Variants in WWC2 observed in about 807,000 individuals in gnomAD.
WWC2 encodes WW and C2 domain containing 2, also known as protein WWC2.
A neutral mutation model predicts 138.5 loss-of-function variants in WWC2; 101 were observed. That is an observed-to-expected ratio of 0.73 (90% CI 0.62 to 0.86). The LOEUF (loss-of-function observed/expected upper bound fraction) is 0.86. Ranked by LOEUF, WWC2 falls within the 40% of genes least tolerant of loss-of-function variation. WWC2 has a pLI of 0.00. For synonymous variants in WWC2, 558 were observed against 538.4 expected (o/e 1.04, Z -0.50); for missense variants, 1,420 against 1,419.4 (o/e 1.00, Z -0.01).
chr4:183,194,627 A>G (rs1446630318), intron 2 of WWC2, among the ~76,000 whole-genome samples: 1 of 152,078 alleles, frequency 6.6e-6, no homozygotes, highest in Non-Finnish European at 1.5e-5. Context: ...TTTGATACTC[A>G]CTCATTAGTG....
At chr4:183,146,282 C>T (rs1169646286) in intron 1 of WWC2, among the ~76,000 whole-genome samples, 9 of 152,118 alleles carry the variant, frequency 5.9e-5, no homozygotes, top group East Asian at 3.9e-4. Context: ...TTTTCATCGT[C>T]GGCTTTAGGT....
At chr4:183,231,028 A>C (rs899756516) in intron 4 of WWC2, among the ~76,000 whole-genome samples, 1 of 152,172 alleles carries the variant, frequency 6.6e-6, no homozygotes, top group Non-Finnish European at 1.5e-5. Flanking sequence ...CACAACTTTG[A>C]CATCAAATTG....
chr4:183,234,967 G>A (rs1736370358), intron 4 of WWC2, among the ~76,000 whole-genome samples: 1 of 152,180 alleles, frequency 6.6e-6, no homozygotes, highest in Non-Finnish European at 1.5e-5. Flanking sequence ...CTAGAATGAT[G>A]CCAAGTGGTT....
At position 183,154,239 on chromosome 4, in the gene WWC2, G is replaced by A. The variant is rs140864559; in HGVS notation, c.132-39360G>A. Reference sequence around the variant, plus strand: ...TTGAATCCTGGCTCTGCCTTTCACTGGCTGTGTGATTTCAGGCAAGTTACT... The same window carrying A: ...TTGAATCCTGGCTCTGCCTTTCACTAGCTGTGTGATTTCAGGCAAGTTACT... On this transcript the variant is annotated intron_variant, in intron 1 of 22. Coordinates refer to ENST00000403733, the MANE Select transcript of WWC2 (RefSeq NM_024949.6). Among the ~76,000 whole-genome samples, 209 of 152,236 alleles carry A rather than the reference G, an allele frequency of 1.4e-3. 1 individual carries two copies. Among genetic ancestry groups the A allele is most frequent in the African/African-American group, 4.9e-3 (203 of 41,534 alleles).
intron 9 of WWC2, among the ~76,000 whole-genome samples, chr4:183,255,377 G>T (rs1008320131): frequency 6.6e-6 from 1 of 152,138 alleles, no homozygotes; most frequent in African/African-American, 2.4e-5. Context: ...TGTTGTTGTT[G>T]TTGCTGTTGT....
rs529860656 is a variant in WWC2 at position 183,207,993 on chromosome 4, G to C, written c.282G>C (p.Gly94=). ...AAGATCCAAGAAAACAATGGAGGGGGGAACAGGAGAAGATGCTCAAGGACT... is the reference window on the plus strand; with the variant it reads ...AAGATCCAAGAAAACAATGGAGGGGCGAACAGGAGAAGATGCTCAAGGACT... ...QIEDPRKQWR[G]EQEKMLKDYL... is the part of the protein sequence containing the mutation. Residue 94 remains glycine (G), a synonymous_variant, in exon 3 of 23, where the codon GGG becomes GGC. Transcript: ENST00000403733. 1.9e-6 allele frequency: 3 copies of C among 1,613,084 alleles called. No homozygotes were observed. The South Asian group carries it at 3.3e-5, about 18-fold the overall frequency.
intron 1 of WWC2, among the ~76,000 whole-genome samples, chr4:183,191,157 G>A (rs1473834130): frequency 1.3e-5 from 2 of 152,094 alleles, no homozygotes; most frequent in Non-Finnish European, 2.9e-5. Flanking sequence ...ACAAGGAGGT[G>A]TCCTAGGGTG....
Position 183,284,349 on chromosome 4 carries a change from C to T in WWC2, c.3007C>T (p.Gln1003Ter). The T allele has an allele frequency of 2.5e-6, 4 of 1,613,782 alleles. No homozygotes were observed. Among genetic ancestry groups the T allele is most frequent in the Non-Finnish European group, 3.4e-6 (4 of 1,179,880 alleles). The change falls in exon 19 of 23, where the codon CAG becomes TAG. Residue 1003 changes from glutamine (Q) to a stop codon, truncating the protein, a stop_gained. Coordinates refer to ENST00000403733, the MANE Select transcript of WWC2 (RefSeq NM_024949.6). LOFTEE classifies it high-confidence loss of function. ...FVRSSVIVRS[Q>*]TFSPGERNQY... ...GAGGAGCAGTGTGATAGTGCGCTCA[C>T]AGACCTTTTCTCCAGGAGAGCGGAA...
At chr4:183,219,636 C>T (rs564896065) in intron 4 of WWC2, among the ~76,000 whole-genome samples, 5 of 152,118 alleles carry the variant, frequency 3.3e-5, no homozygotes, top group Admixed American at 1.3e-4. Flanking sequence ...TGGGGGAGAA[C>T]GGAAGGATGC....
At chr4:183,113,634 C>T (rs1476557787) in intron 1 of WWC2, among the ~76,000 whole-genome samples, 1 of 151,982 alleles carries the variant, frequency 6.6e-6, no homozygotes, top group Non-Finnish European at 1.5e-5. Flanking sequence ...TGGCTTCAAG[C>T]AGTCCTCCCT....
chr4:183,180,617 T>TGTG (rs60487156), intron 1 of WWC2, among the ~76,000 whole-genome samples: 150,536 of 152,282 alleles, frequency 0.99, 74,404 homozygotes, highest in Middle Eastern at 1. Flanking sequence ...ATAAGCAAAA[T>TGTG]GTATCTGTGG....
At chr4:183,164,271 T>A in intron 1 of WWC2, among the ~76,000 whole-genome samples, 1 of 344 alleles carries the variant, frequency 2.9e-3, no homozygotes, top group African/African-American at 3.1e-3. Flanking sequence ...TGCGCATATA[T>A]ATATATATAT....
chr4:183,315,556 G>A (rs1438707046), intron 22 of WWC2, 107 bp from the exon 23 acceptor site: 4 of 750,096 alleles, frequency 5.3e-6, no homozygotes, highest in East Asian at 2.8e-5. Context: ...TTCTACCTGT[G>A]CTTGCAGAGA....
At chr4:183,308,126 A>G (rs1739083774) in intron 21 of WWC2, among the ~76,000 whole-genome samples, 1 of 152,242 alleles carries the variant, frequency 6.6e-6, no homozygotes, top group South Asian at 2.1e-4. Context: ...TGCCGTTTCC[A>G]TTAGTATCCA....
chr4:183,287,924 A>G (rs908803599), intron 20 of WWC2, among the ~76,000 whole-genome samples: 12 of 152,202 alleles, frequency 7.9e-5, no homozygotes, highest in Non-Finnish European at 1.5e-4. Context: ...GGCCAACCCT[A>G]CAAGTCAGTG....
intron 4 of WWC2, among the ~76,000 whole-genome samples, chr4:183,212,910 A>AAT (rs1268283692): frequency 6.6e-6 from 1 of 152,106 alleles, no homozygotes; most frequent in African/African-American, 2.4e-5. Context: ...TATAACGTAT[A>AAT]ATATATATAA....
intron 1 of WWC2, among the ~76,000 whole-genome samples, chr4:183,174,786 C>G (rs1734408250): frequency 6.6e-6 from 1 of 152,040 alleles, no homozygotes; most frequent in East Asian, 1.9e-4. Context: ...TCTCCTCCTT[C>G]TCCTTCTCCT....
intron 1 of WWC2, among the ~76,000 whole-genome samples, chr4:183,187,595 G>C (rs184317381): frequency 2.2e-5 from 2 of 89,694 alleles, no homozygotes; most frequent in East Asian, 5.6e-4. Context: ...AATAGGCATG[G>C]TGCGGTGGCT....
intron 1 of WWC2, among the ~76,000 whole-genome samples, chr4:183,126,623 C>T (rs548941196): frequency 4.5e-4 from 69 of 152,202 alleles, no homozygotes; most frequent in African/African-American, 1.3e-3. Context: ...ACTTTCAGGT[C>T]AAAGGATAGA....
Sources: allele counts gnomAD v4.1 joint callset (sites outside exome capture counted in the v4.1 genomes callset), GRCh38; gene constraint gnomAD v4.1.1; transcripts MANE v1.5; gene names NCBI Gene and HGNC (gene_info 2026-07-23, HGNC 2026-07-21).